The following RIN2 variants were observed in gnomAD, a reference collection of about 807,000 sequenced individuals.
The protein encoded by RIN2 is Ras and Rab interactor 2.
Under a neutral mutation model 78.0 loss-of-function variants are expected in RIN2, and 36 were observed. That is an observed-to-expected ratio of 0.46 (90% CI 0.35 to 0.61). RIN2 has a LOEUF of 0.61. RIN2 is among the 20% of genes least tolerant of loss of function. The pLI is 0.00. For synonymous variants in RIN2, 466 were observed against 466.8 expected (o/e 1.00, Z 0.02); for missense variants, 1,087 against 1,159.7 (o/e 0.94, Z 0.91).
intron 1 of RIN2, among the ~76,000 whole-genome samples, chr20:19,775,184 G>A (rs1004636977): frequency 2.6e-5 from 4 of 152,154 alleles, no homozygotes; most frequent in African/African-American, 9.7e-5. Flanking sequence ...TCAGAATATA[G>A]AAAGCCTAAA....
chr20:19,887,137 C>T (rs1043440311), intron 2 of RIN2, among the ~76,000 whole-genome samples: 5 of 151,864 alleles, frequency 3.3e-5, no homozygotes, highest in Non-Finnish European at 5.9e-5. Flanking sequence ...GTGATCCTCC[C>T]TCCTGAGTAG....
At chr20:19,807,237 A>G (rs1305298512) in intron 2 of RIN2, among the ~76,000 whole-genome samples, 1 of 152,242 alleles carries the variant, frequency 6.6e-6, no homozygotes, top group African/African-American at 2.4e-5. Flanking sequence ...CTAAGTCAAG[A>G]GGCAGAGAAA....
intron 1 of RIN2, among the ~76,000 whole-genome samples, chr20:19,779,523 C>G (rs185163086): frequency 3.3e-5 from 5 of 152,042 alleles, no homozygotes; most frequent in African/African-American, 1.2e-4. Flanking sequence ...GATGAGAGAA[C>G]GTGGAAGCTG....
chr20:19,884,086 G>A (rs1302378796), intron 2 of RIN2, among the ~76,000 whole-genome samples: 1 of 150,820 alleles, frequency 6.6e-6, no homozygotes, highest in Non-Finnish European at 1.5e-5. Context: ...ATAGGCATAC[G>A]GGCATGAGCC....
At chr20:19,844,102 A>G (rs948091611) in intron 2 of RIN2, among the ~76,000 whole-genome samples, 4 of 152,206 alleles carry the variant, frequency 2.6e-5, no homozygotes, top group Non-Finnish European at 5.9e-5. Context: ...CAATGCCAAA[A>G]TAAGGGAGAG....
In RIN2 at chr20:19,975,142, G is replaced by A. The variant is rs1386352011; in HGVS notation, c.1117G>A (p.Gly373Ser). ...KQASFLEAEG[G>S]AKTLSGGRPG... ...GGCTTCTTTTCTGGAAGCAGAGGGC[G>A]GTGCAAAGACCTTGAGCGGCGGCCG... Residue 373 changes from glycine to serine, a missense_variant, in exon 9 of 13, where the codon GGT becomes AGT. Gly to Ser is a moderately conservative substitution (Grantham distance 56). Transcript: ENST00000255006. This position sits in a 1 kb window ranked among gnomAD's most constrained non-coding sequence, Gnocchi z 4.9. 2.5e-6 allele frequency: 4 copies of A among 1,612,996 alleles called. No homozygotes were observed. The highest frequency in any genetic ancestry group is 2.2e-5 in the South Asian group (2 of 91,080).
intron 1 of RIN2, among the ~76,000 whole-genome samples, chr20:19,771,012 A>T (rs1267615230): frequency 6.6e-6 from 1 of 152,224 alleles, no homozygotes; most frequent in East Asian, 1.9e-4. Flanking sequence ...GAGCTCAGGG[A>T]AACACAAATA....
At chr20:19,971,977 G>T (rs2042123285) in intron 8 of RIN2, among the ~76,000 whole-genome samples, 2 of 152,020 alleles carry the variant, frequency 1.3e-5, no homozygotes, top group Admixed American at 6.6e-5. Context: ...CCTGACTTTT[G>T]GTGATCCACC....
At chr20:19,937,274 G>A (rs541465839) in intron 4 of RIN2, among the ~76,000 whole-genome samples, 1 of 152,244 alleles carries the variant, frequency 6.6e-6, no homozygotes, top group East Asian at 1.9e-4. Flanking sequence ...AAAGGGGAGA[G>A]GAGGGAAGAG....
intron 6 of RIN2, 51 bp from the exon 7 acceptor site, chr20:19,964,900 TC>T: frequency 1.3e-6 from 2 of 1,497,742 alleles, no homozygotes; most frequent in Non-Finnish European, 1.9e-6. Context: ...GCTCTTCCTG[TC>T]CCAGAACGTG....
At chr20:19,904,485 A>G (rs2039133856) in intron 3 of RIN2, among the ~76,000 whole-genome samples, 1 of 151,984 alleles carries the variant, frequency 6.6e-6, no homozygotes, top group African/African-American at 2.4e-5. Flanking sequence ...ACATTGGGGT[A>G]GGGAAAGTCT....
At chr20:19,966,046 A>C (rs1274833842) in intron 7 of RIN2, among the ~76,000 whole-genome samples, 2 of 152,162 alleles carry the variant, frequency 1.3e-5, no homozygotes, top group African/African-American at 2.4e-5. Flanking sequence ...TTAAGAATCA[A>C]AATTCTTGTT....
At chr20:19,993,484 T>A (rs2042860704) in intron 11 of RIN2, among the ~76,000 whole-genome samples, 1 of 152,096 alleles carries the variant, frequency 6.6e-6, no homozygotes, top group Non-Finnish European at 1.5e-5. Context: ...ACCGCCCTCC[T>A]TGGAGCCCGA....
At chr20:19,876,637 GCTCAC>G (rs2037863121) in intron 2 of RIN2, among the ~76,000 whole-genome samples, 1 of 152,186 alleles carries the variant, frequency 6.6e-6, no homozygotes, top group Admixed American at 6.5e-5. Flanking sequence ...GGGTGCTGTG[GCTCAC>G]GCCTGGAATC....
chr20:19,993,274 G>GT (rs35781625), intron 11 of RIN2, among the ~76,000 whole-genome samples: 12,887 of 146,766 alleles, frequency 0.088, 1,933 homozygotes, highest in East Asian at 0.67. Context: ...TCACGGTTTC[G>GT]TTTTTTTTTT....
At chr20:19,908,477 C>T (rs1281342694) in intron 3 of RIN2, among the ~76,000 whole-genome samples, 4 of 137,956 alleles carry the variant, frequency 2.9e-5, no homozygotes, top group Middle Eastern at 7.9e-3. Context: ...GGCCACAGAG[C>T]GAGACTCCGT....
At chr20:19,885,476 G>A (rs768253982) in intron 2 of RIN2, among the ~76,000 whole-genome samples, 2 of 152,078 alleles carry the variant, frequency 1.3e-5, no homozygotes, top group Non-Finnish European at 2.9e-5. Flanking sequence ...GACCAGCCTG[G>A]CCAACATGGT....
chr20:19,832,770 C>T (rs1600564274), intron 2 of RIN2, among the ~76,000 whole-genome samples: 1 of 152,018 alleles, frequency 6.6e-6, no homozygotes, highest in South Asian at 2.1e-4. Context: ...CTGGAGGGGA[C>T]GAATGCTCTG....
At chr20:19,880,250 TAAA>T (rs10551811) in intron 2 of RIN2, among the ~76,000 whole-genome samples, 117 of 135,912 alleles carry the variant, frequency 8.6e-4, no homozygotes, top group Middle Eastern at 3.9e-3. Context: ...GACTCTGTCT[TAAA>T]AAAAAAAAAA....
Sources: gnomAD v4.1 joint callset for allele counts (sites outside exome capture counted in the v4.1 genomes callset) on GRCh38, gnomAD v4.1.1 for gene constraint, Gnocchi (gnomAD v3.1) non-coding constraint, MANE v1.5 for transcripts, NCBI Gene and HGNC (gene_info 2026-07-23, HGNC 2026-07-21) for gene names.